FIG4: variants seen among roughly 807,000 people sequenced by gnomAD.
The protein encoded by FIG4 is polyphosphoinositide phosphatase.
FIG4 carries 112 observed loss-of-function variants against 118.6 expected under a neutral mutation model. That is an observed-to-expected ratio of 0.94 (90% confidence interval 0.81 to 1.11). The LOEUF is 1.11. Ranked by LOEUF, FIG4 falls within the 50% of genes least tolerant of loss-of-function variation. The pLI, the probability that FIG4 is intolerant of heterozygous loss-of-function variation, is 0.00. For missense variants in FIG4, 969 were observed against 1,111.7 expected, an observed-to-expected ratio of 0.87 and a Z score of 1.83; for synonymous variants, 369 against 381.2, an observed-to-expected ratio of 0.97 and a Z score of 0.37.
chr6:109,699,811 T>C lies in FIG4; in HGVS notation c.66+8310T>C, dbSNP rs934047527. Among the ~76,000 whole-genome samples the C allele has an allele frequency of 5.9e-5, 9 of 152,284 alleles. No homozygotes were observed. The East Asian group carries it at 1.7e-3, about 29-fold the overall frequency. Reference sequence around the variant, plus strand: ...GAGCCACCGTGCCTGGCCTCTCATGTGCATTTTGGATTAATCAGTGTCTTA... The same window carrying C: ...GAGCCACCGTGCCTGGCCTCTCATGCGCATTTTGGATTAATCAGTGTCTTA... On this transcript the variant is annotated intron_variant, in intron 1 of 22. Coordinates refer to ENST00000230124, the MANE Select transcript of FIG4 (RefSeq NM_014845.6).
chr6:109,755,199 G>A (rs1776847496), intron 10 of FIG4, among the ~76,000 whole-genome samples: 1 of 152,186 alleles, frequency 6.6e-6, no homozygotes, highest in Non-Finnish European at 1.5e-5. Context: ...TATGTACCCA[G>A]TAGTCATTCA....
chr6:109,711,609 G>A (rs1008276650), intron 1 of FIG4, among the ~76,000 whole-genome samples: 18 of 151,356 alleles, frequency 1.2e-4, no homozygotes, highest in African/African-American at 3.6e-4. Flanking sequence ...TCTGTTTCCC[G>A]TTTGCTTGAT....
chr6:109,815,967 T>C (rs561814385), intron 22 of FIG4, among the ~76,000 whole-genome samples: 92 of 152,278 alleles, frequency 6.0e-4, no homozygotes, highest in African/African-American at 2.2e-3. Flanking sequence ...ATAGGCCATG[T>C]TTTCTTTATA....
intron 3 of FIG4, among the ~76,000 whole-genome samples, chr6:109,719,308 G>C (rs1359220883): frequency 6.6e-6 from 1 of 152,042 alleles, no homozygotes; most frequent in Non-Finnish European, 1.5e-5. Flanking sequence ...AAGTTTTCTT[G>C]ATGATTAAAT....
chr6:109,756,499 G>A (rs528218089), intron 10 of FIG4, among the ~76,000 whole-genome samples: 5 of 152,164 alleles, frequency 3.3e-5, no homozygotes, highest in Admixed American at 6.5e-5. Context: ...GCTAGATTGG[G>A]GAAGTTCTCC....
intron 3 of FIG4, 22 bp from the exon 4 acceptor site, chr6:109,727,086 TC>T (rs1358394176): frequency 6.4e-7 from 1 of 1,571,226 alleles, no homozygotes; most frequent in Non-Finnish European, 8.8e-7. Flanking sequence ...AAAGCATATT[TC>T]TCTTTATTTT....
intron 17 of FIG4, 146 bp downstream of exon 17, chr6:109,785,174 A>T: frequency 1.5e-6 from 1 of 647,676 alleles, no homozygotes. Flanking sequence ...GCTTTAATAG[A>T]TAGGATATTA....
chr6:109,778,838 A>G (rs1452326041), intron 16 of FIG4, among the ~76,000 whole-genome samples: 1 of 152,076 alleles, frequency 6.6e-6, no homozygotes, highest in East Asian at 1.9e-4. Context: ...TGCCCTTGTG[A>G]TCTGCCCGCC....
intron 22 of FIG4, among the ~76,000 whole-genome samples, chr6:109,809,713 C>G (rs556049463): frequency 6.6e-6 from 1 of 152,284 alleles, no homozygotes; most frequent in East Asian, 1.9e-4. Flanking sequence ...TTAAGGAATT[C>G]AGGAAGCAAA....
intron 15 of FIG4, 90 bp from the exon 16 acceptor site, chr6:109,776,832 T>C (rs931471013): frequency 9.5e-7 from 1 of 1,051,952 alleles, no homozygotes; most frequent in Non-Finnish European, 1.5e-6. Flanking sequence ...TAAATACTAC[T>C]TTTGTACCAC....
Position 109,792,644 on chromosome 6 carries a change from A to G in FIG4, c.2439A>G (p.Glu813=). 6.3e-7 allele frequency: 1 copy of G among 1,586,976 alleles called. No individual in the cohort carries two copies. The highest frequency in any genetic ancestry group is 1.3e-5 in the African/African-American group (1 of 74,450). Residue 813 remains glutamate, a synonymous_variant, in exon 21 of 23, where the codon GAA becomes GAG. Coordinates refer to ENST00000230124, the MANE Select transcript of FIG4 (RefSeq NM_014845.6). ...GINLSDGLSE[E]DFSIYSRFVQ... The stretch of plus-strand genomic sequence containing the variant: ...ACCTCTCAGATGGCCTCTCAGAAGA[A>G]GATTTCTCCATTTATTCAAGGTGAG...
rs1390064061 is a variant in FIG4, at chr6:109,727,243, G to T, written c.424G>T (p.Val142Phe). ...MIYIPNDSVR[V>F]THPDEARYLR... is the part of the protein sequence containing the mutation. ...CTATATACCCAATGATTCTGTACGG[G>T]TTACTCATCCTGATGAAGCTAGGTA... is the stretch of plus-strand genomic sequence containing the variant. The change falls in exon 4 of 23, where the codon GTT becomes TTT. Residue 142 changes from valine to phenylalanine, a missense_variant. Around this residue, in one of 3 missense-constraint regions of FIG4, gnomAD observed 393 missense variants for 409.4 expected, o/e 0.96. Coordinates refer to ENST00000230124, the MANE Select transcript of FIG4 (RefSeq NM_014845.6). 6 of 1,612,532 alleles carry T rather than the reference G, an allele frequency of 3.7e-6. No individual in the cohort carries two copies. The South Asian group carries it at 4.4e-5, about 12-fold the overall frequency.
At chr6:109,743,384 G>C in intron 9 of FIG4, 112 bp downstream of exon 9, 1 of 1,015,474 alleles carries the variant, frequency 9.8e-7, no homozygotes, top group Admixed American at 1.9e-5. Context: ...TTTAGTCCTG[G>C]AAGGTAGATA....
chr6:109,772,941 A>G (rs1217054863), intron 15 of FIG4, among the ~76,000 whole-genome samples: 5 of 152,192 alleles, frequency 3.3e-5, no homozygotes, highest in Non-Finnish European at 5.9e-5. Flanking sequence ...AATGAAGTCA[A>G]AATGTCAGCT....
At chr6:109,813,443 A>C (rs1287519479) in intron 22 of FIG4, among the ~76,000 whole-genome samples, 1 of 152,186 alleles carries the variant, frequency 6.6e-6, no homozygotes. Flanking sequence ...CCAGCATCTG[A>C]TGGTGCATTT....
chr6:109,758,011 A>G (rs1776975133), intron 10 of FIG4, among the ~76,000 whole-genome samples: 1 of 152,230 alleles, frequency 6.6e-6, no homozygotes, highest in African/African-American at 2.4e-5. Context: ...GGAAGAATCA[A>G]TATTGTGAAA....
At chr6:109,735,082 A>G in intron 5 of FIG4, 68 bp from the exon 6 acceptor site, 1 of 1,342,026 alleles carries the variant, frequency 7.5e-7, no homozygotes, top group Non-Finnish European at 1.1e-6. Context: ...TTAATTCTAT[A>G]TGGGCGCCAA....
intron 16 of FIG4, among the ~76,000 whole-genome samples, chr6:109,784,204 A>G (rs978362960): frequency 1.3e-5 from 2 of 152,112 alleles, no homozygotes; most frequent in African/African-American, 4.8e-5. Flanking sequence ...ACTTTGACAT[A>G]TATCCTTTTC....
rs564376825 is a variant in FIG4, at chr6:109,782,602, T to C, written c.1890-2368T>C. On this transcript the variant is annotated intron_variant, in intron 16 of 22. Transcript: ENST00000230124. Reference sequence around the variant, plus strand: ...CAAGCTGATTGTAAGCAACATTCTTTAGGGAATTTCTCATATACTGATAAC... The same window carrying C: ...CAAGCTGATTGTAAGCAACATTCTTCAGGGAATTTCTCATATACTGATAAC... Among the ~76,000 whole-genome samples the C allele has an allele frequency of 1.3e-4, 20 of 151,210 alleles. No individual in the cohort carries two copies. The East Asian group carries it at 3.1e-3, about 24-fold the overall frequency.
Sources: allele counts gnomAD v4.1 joint callset (sites outside exome capture counted in the v4.1 genomes callset), GRCh38; gene constraint gnomAD v4.1.1; regional missense constraint gnomAD v4.1.1; transcripts MANE v1.5; gene names NCBI Gene and HGNC (gene_info 2026-07-23, HGNC 2026-07-21).